CPQ: variants seen among roughly 807,000 people sequenced by gnomAD.
CPQ encodes the protein Ser-Met dipeptidase.
In CPQ, 37 loss-of-function variants were observed where a neutral mutation model predicts 45.7. That is an observed-to-expected ratio of 0.81 (90% CI 0.62 to 1.07). The LOEUF is 1.07. Ranked by LOEUF, CPQ falls within the 50% of genes least tolerant of loss-of-function variation. The pLI is 0.00. For missense variants in CPQ, 537 were observed against 572.9 expected (o/e 0.94, Z 0.64); for synonymous variants, 186 against 205.8 (o/e 0.90, Z 0.82).
chr8:96,671,910 T>C (rs924816925), intron 1 of CPQ, among the ~76,000 whole-genome samples: 3 of 152,176 alleles, frequency 2.0e-5, no homozygotes, highest in African/African-American at 7.2e-5. Flanking sequence ...AGTGTTTAGC[T>C]TGAGTGATAG....
chr8:96,969,327 G>T (rs1415792753), intron 5 of CPQ, among the ~76,000 whole-genome samples: 1 of 152,182 alleles, frequency 6.6e-6, no homozygotes, highest in Non-Finnish European at 1.5e-5. Flanking sequence ...AAATACTTGT[G>T]CATTGACTGC....
intron 1 of CPQ, among the ~76,000 whole-genome samples, chr8:96,669,643 A>C (rs1030303838): frequency 6.6e-6 from 1 of 152,242 alleles, no homozygotes; most frequent in Non-Finnish European, 1.5e-5. Flanking sequence ...GACAAGTTCT[A>C]ATATATCAAC....
chr8:96,838,284 A>G (rs984498030), intron 3 of CPQ, among the ~76,000 whole-genome samples: 6 of 152,186 alleles, frequency 3.9e-5, no homozygotes, highest in African/African-American at 1.4e-4. Context: ...AGTCTTTTGC[A>G]TGTTCACATA....
intron 5 of CPQ, among the ~76,000 whole-genome samples, chr8:96,994,289 G>C (rs781068910): frequency 3.5e-4 from 53 of 152,186 alleles, no homozygotes; most frequent in Non-Finnish European, 5.9e-4. Context: ...GATTGAGAGA[G>C]GGAAGATCAG....
intron 3 of CPQ, among the ~76,000 whole-genome samples, chr8:96,856,025 C>T (rs1162167220): frequency 6.6e-6 from 1 of 152,198 alleles, no homozygotes; most frequent in Non-Finnish European, 1.5e-5. Flanking sequence ...GACTGGAATA[C>T]ACTGAGCAAG....
intron 4 of CPQ, among the ~76,000 whole-genome samples, chr8:96,952,286 C>T (rs1813279585): frequency 6.6e-6 from 1 of 152,080 alleles, no homozygotes; most frequent in South Asian, 2.1e-4. Flanking sequence ...CTTCTATTTT[C>T]AGGCCCTGCC....
intron 3 of CPQ, among the ~76,000 whole-genome samples, chr8:96,858,227 A>T (rs1276343196): frequency 6.6e-6 from 1 of 152,142 alleles, no homozygotes; most frequent in Non-Finnish European, 1.5e-5. Flanking sequence ...CCTGGGGGGA[A>T]TCCAGGCCTT....
chr8:97,001,763 G>A lies in CPQ; in HGVS notation c.962-27640G>A, dbSNP rs1441084449. ...TTTTTTTGTATTTCTGCCAGGCTTT[G>A]TTATCAGGATAACACTGGCCTATAG... On this transcript the variant is annotated intron_variant, in intron 5 of 7. Coordinates refer to ENST00000220763, the MANE Select transcript of CPQ (RefSeq NM_016134.4). Among the ~76,000 whole-genome samples the A allele has an allele frequency of 2.8e-3, 78 of 27,926 alleles. 2 individuals are homozygous for A. Among genetic ancestry groups the A allele is most frequent in the Middle Eastern group, 0.048 (2 of 42 alleles). The allele number at this position is 27,926 out of a possible 152,430, so 18.3% of individuals were successfully genotyped here. A position where few individuals can be genotyped will look rare whatever the true frequency, so the allele number is the denominator to read the frequency against.
intron 3 of CPQ, among the ~76,000 whole-genome samples, chr8:96,835,790 GA>G (rs1199888359): frequency 1.3e-5 from 2 of 152,098 alleles, no homozygotes; most frequent in African/African-American, 4.8e-5. Context: ...AGGTCAACTT[GA>G]AAAAGATACT....
intron 3 of CPQ, among the ~76,000 whole-genome samples, chr8:96,855,157 G>A (rs1811830282): frequency 6.6e-6 from 1 of 152,164 alleles, no homozygotes; most frequent in Admixed American, 6.5e-5. Context: ...AAGGCAATGT[G>A]CTTTGCTCAG....
At chr8:97,050,463 C>G (rs1351577445) in intron 6 of CPQ, among the ~76,000 whole-genome samples, 1 of 152,120 alleles carries the variant, frequency 6.6e-6, no homozygotes, top group African/African-American at 2.4e-5. Flanking sequence ...AAGATACATT[C>G]CAATTTCCAA....
At chr8:96,867,860 T>C (rs1428387089) in intron 3 of CPQ, among the ~76,000 whole-genome samples, 1 of 152,050 alleles carries the variant, frequency 6.6e-6, no homozygotes, top group East Asian at 1.9e-4. Context: ...AGTTTCAGTA[T>C]TCATGTTGAT....
intron 4 of CPQ, among the ~76,000 whole-genome samples, chr8:96,900,705 A>G (rs556393775): frequency 1.2e-3 from 188 of 152,278 alleles, no homozygotes; most frequent in Non-Finnish European, 2.3e-3. Context: ...GACTCTTGGA[A>G]TCATAGAATC....
intron 7 of CPQ, among the ~76,000 whole-genome samples, chr8:97,101,939 T>TCC (rs1337920477): frequency 9.3e-5 from 7 of 74,986 alleles, no homozygotes; most frequent in African/African-American, 3.6e-4. Flanking sequence ...TCTCTCTCTC[T>TCC]CTCCCTCCCT....
intron 1 of CPQ, among the ~76,000 whole-genome samples, chr8:96,681,860 G>T (rs1180587149): frequency 6.6e-6 from 1 of 152,140 alleles, no homozygotes; most frequent in Non-Finnish European, 1.5e-5. Flanking sequence ...GGAGTCAAAG[G>T]GCACCATTTT....
chr8:97,047,982 T>G (rs1010471744), intron 6 of CPQ, among the ~76,000 whole-genome samples: 2 of 152,196 alleles, frequency 1.3e-5, no homozygotes, highest in African/African-American at 4.8e-5. Context: ...GTATAGAGCT[T>G]AGACACTCTA....
chr8:96,690,137 T>A (rs1303264109), intron 1 of CPQ, among the ~76,000 whole-genome samples: 3 of 152,170 alleles, frequency 2.0e-5, no homozygotes, highest in African/African-American at 7.2e-5. Context: ...TGCTTATTTT[T>A]TTGTTTATAT....
chr8:97,086,988 G>A (rs1811050441), intron 7 of CPQ, among the ~76,000 whole-genome samples: 1 of 152,156 alleles, frequency 6.6e-6, no homozygotes, highest in African/African-American at 2.4e-5. Flanking sequence ...CCCAAACAGA[G>A]GAATCTAGTT....
intron 4 of CPQ, among the ~76,000 whole-genome samples, chr8:96,897,747 C>G (rs1048825160): frequency 1.3e-5 from 2 of 152,084 alleles, no homozygotes; most frequent in African/African-American, 4.8e-5. Context: ...CATTTCTGGT[C>G]CCAAGCATTT....
Sources: gnomAD v4.1 joint callset for allele counts (sites outside exome capture counted in the v4.1 genomes callset) on GRCh38, gnomAD v4.1.1 for gene constraint, MANE v1.5 for transcripts, NCBI Gene and HGNC (gene_info 2026-07-23, HGNC 2026-07-21) for gene names.